The following GLDC variants were observed in gnomAD, a reference collection of about 807,000 sequenced individuals.
GLDC encodes glycine decarboxylase.
A neutral mutation model predicts 121.3 loss-of-function variants in GLDC; 104 were observed. The observed-to-expected ratio is 0.86, with a 90% confidence interval of 0.73 to 1.01. GLDC has a LOEUF of 1.01. Among genes scored for constraint, GLDC ranks in the 50% least tolerant of loss-of-function variants. GLDC has a pLI of 0.00. For synonymous variants in GLDC, 546 were observed against 480.6 expected, an observed-to-expected ratio of 1.14 and a Z score of -1.78; for missense variants, 1,429 against 1,306.6, an observed-to-expected ratio of 1.09 and a Z score of -1.44.
At chr9:6,602,951 C>T (rs111713542) in intron 7 of GLDC, among the ~76,000 whole-genome samples, 10 of 151,898 alleles carry the variant, frequency 6.6e-5, no homozygotes, top group Non-Finnish European at 1.3e-4. Context: ...TTATGAGCCG[C>T]GCATGGTGGC....
intron 2 of GLDC, among the ~76,000 whole-genome samples, chr9:6,632,999 G>C (rs1047070188): frequency 5.9e-5 from 9 of 151,726 alleles, no homozygotes; most frequent in African/African-American, 2.2e-4. Flanking sequence ...ACCGATCAAG[G>C]GTCCTCGCCA....
intron 2 of GLDC, among the ~76,000 whole-genome samples, chr9:6,637,592 G>A (rs113895100): frequency 0.015 from 2,245 of 151,998 alleles, 63 homozygotes; most frequent in African/African-American, 0.052. Context: ...TCAGACTCCT[G>A]AGCAGCTGGG....
chr9:6,555,350 T>A (rs1366161388), intron 18 of GLDC, among the ~76,000 whole-genome samples: 2 of 152,074 alleles, frequency 1.3e-5, no homozygotes, highest in African/African-American at 2.4e-5. Flanking sequence ...ACCACTTGGG[T>A]GTTAGGACTA....
At chr9:6,593,104 G>T in intron 9 of GLDC, 114 bp from the exon 10 acceptor site, 1 of 1,113,296 alleles carries the variant, frequency 9.0e-7, no homozygotes, top group Non-Finnish European at 1.4e-6. Context: ...TGGTCCTGGG[G>T]AGTGCTTTGG....
intron 2 of GLDC, among the ~76,000 whole-genome samples, chr9:6,624,138 G>A (rs1022099110): frequency 2.6e-5 from 4 of 152,232 alleles, no homozygotes; most frequent in African/African-American, 9.6e-5. Context: ...CCCCGGCCCA[G>A]GGAGATACAG....
chr9:6,533,028 C>T lies in GLDC; in HGVS notation c.3052G>A (p.Ala1018Thr), dbSNP rs1019872837. 3 of 1,609,712 alleles carry T rather than the reference C, an allele frequency of 1.9e-6. No homozygotes were observed. Among genetic ancestry groups the T allele is most frequent in the Non-Finnish European group, 2.6e-6 (3 of 1,176,242 alleles). ...YESPFSEQKR[A>T]SS ...TTAGGGACAGAGGACTAAGAAGACGCCCTCTTTTGTTCAGAAAATGGAGAC... is the reference window on the plus strand; with the variant it reads ...TTAGGGACAGAGGACTAAGAAGACGTCCTCTTTTGTTCAGAAAATGGAGAC... The change falls in exon 25 of 25, where the codon GCG becomes ACG. Residue 1018 changes from alanine to threonine, a missense_variant. Coordinates refer to ENST00000321612, the MANE Select transcript of GLDC (RefSeq NM_000170.3).
rs753750029 is a variant in GLDC, at chr9:6,645,516, C to T, written c.-17G>A. On this transcript the variant is annotated 5_prime_UTR_variant, in exon 1 of 25. Transcript: ENST00000321612. ...GGACTGCATGGCCGCGGCCACCGTC[C>T]CCTGCCCCGGCCCGCAAGGGTCAGC... is the stretch of plus-strand genomic sequence containing the variant. 1.4e-5 allele frequency: 19 copies of T among 1,314,470 alleles called. No individual in the cohort carries two copies. In the African/African-American group the frequency reaches 2.8e-4, roughly 19 times the overall value. The allele number at this position is 1,314,470 out of a possible 1,614,324, so 81.4% of individuals were successfully genotyped here.
At chr9:6,616,144 G>A (rs1818963488) in intron 3 of GLDC, among the ~76,000 whole-genome samples, 1 of 152,134 alleles carries the variant, frequency 6.6e-6, no homozygotes, top group Non-Finnish European at 1.5e-5. Context: ...AAAAGTTGGA[G>A]TTTTTTTCGT....
chr9:6,600,455 T>TCA (rs1428420404), intron 8 of GLDC, among the ~76,000 whole-genome samples: 1 of 151,354 alleles, frequency 6.6e-6, no homozygotes, highest in Non-Finnish European at 1.5e-5. Context: ...GGCAGGACCA[T>TCA]CACTTGAGGT....
intron 2 of GLDC, chr9:6,639,010 G>GAAA (rs34196324): frequency 3.1e-4 from 120 of 391,654 alleles, no homozygotes; most frequent in East Asian, 1.1e-3. Context: ...CTCTGTCTCA[G>GAAA]AAAAAAAAAA....
intron 2 of GLDC, among the ~76,000 whole-genome samples, chr9:6,640,692 C>A (rs1819611863): frequency 6.6e-6 from 1 of 152,204 alleles, no homozygotes; most frequent in Admixed American, 6.5e-5. Context: ...TTAATCCCTG[C>A]AGTTTATCTA....
In GLDC at chr9:6,600,695, G is replaced by GA. The variant is rs372859128; in HGVS notation, c.1155+1413dup. Among the ~76,000 whole-genome samples, 935 of 144,072 alleles carry GA rather than the reference G, an allele frequency of 6.5e-3. 9 individuals are homozygous for GA. Among genetic ancestry groups the GA allele is most frequent in the African/African-American group, 0.02 (788 of 39,460 alleles). 94.5% of individuals were successfully genotyped at this position (144,072 alleles called of 152,430 possible). On this transcript the variant is annotated intron_variant, in intron 8 of 24. Transcript: ENST00000321612. ...CTCAAAGAAGAAAAAAAAAGAAGAA[G>GA]AAAAAAAAAAAGAGATGCACTTAGA...
intron 14 of GLDC, among the ~76,000 whole-genome samples, chr9:6,587,502 T>C (rs933306997): frequency 5.9e-5 from 9 of 152,134 alleles, no homozygotes; most frequent in African/African-American, 2.2e-4. Context: ...AAAAGGGAAC[T>C]TACACAAAAA....
chr9:6,569,944 C>A (rs911440584), intron 15 of GLDC, among the ~76,000 whole-genome samples: 5 of 152,114 alleles, frequency 3.3e-5, no homozygotes, highest in African/African-American at 1.2e-4. Context: ...CCACTGCACT[C>A]CAGCCTGGGC....
At chr9:6,631,564 T>C (rs555446479) in intron 2 of GLDC, among the ~76,000 whole-genome samples, 1 of 152,348 alleles carries the variant, frequency 6.6e-6, no homozygotes, top group East Asian at 1.9e-4. Context: ...AGTATTTATC[T>C]GGAATACCAG....
At chr9:6,613,336 A>T (rs1334982030) in intron 3 of GLDC, among the ~76,000 whole-genome samples, 1 of 152,160 alleles carries the variant, frequency 6.6e-6, no homozygotes, top group Non-Finnish European at 1.5e-5. Flanking sequence ...TTATACTAAA[A>T]GTAGTACTGG....
intron 3 of GLDC, among the ~76,000 whole-genome samples, chr9:6,612,646 G>C (rs770094663): frequency 6.6e-6 from 1 of 152,062 alleles, no homozygotes; most frequent in Non-Finnish European, 1.5e-5. Flanking sequence ...GGCGGATCAC[G>C]AGGTCAGGAG....
intron 22 of GLDC, among the ~76,000 whole-genome samples, chr9:6,537,908 T>G (rs1817169803): frequency 6.6e-6 from 1 of 152,236 alleles, no homozygotes; most frequent in African/African-American, 2.4e-5. Context: ...CCATCCGTCT[T>G]ACTTTCTGAC....
intron 2 of GLDC, among the ~76,000 whole-genome samples, chr9:6,621,749 T>C (rs988173225): frequency 2.6e-5 from 4 of 152,142 alleles, no homozygotes; most frequent in African/African-American, 4.8e-5. Flanking sequence ...AACTTCTGAC[T>C]TCGTGATCCG....
Sources: gnomAD v4.1 joint callset for allele counts (sites outside exome capture counted in the v4.1 genomes callset) on GRCh38, gnomAD v4.1.1 for gene constraint, MANE v1.5 for transcripts, NCBI Gene and HGNC (gene_info 2026-07-23, HGNC 2026-07-21) for gene names.